ALCAM: variants seen among roughly 807,000 people sequenced by gnomAD.
ALCAM encodes CD166 antigen.
Under a neutral mutation model 70.9 loss-of-function variants are expected in ALCAM, and 30 were observed. The ratio of observed to expected loss-of-function variants is 0.42; its 90% confidence interval spans 0.32 to 0.57. The LOEUF is 0.57. ALCAM is among the 20% of genes least tolerant of loss of function. The pLI, the probability that ALCAM is intolerant of heterozygous loss-of-function variation, is 0.11. For synonymous variants in ALCAM, 249 were observed against 242.5 expected, an observed-to-expected ratio of 1.03 and a Z score of -0.25; for missense variants, 591 against 695.1, an observed-to-expected ratio of 0.85 and a Z score of 1.68.
intron 14 of ALCAM, 143 bp downstream of exon 14, chr3:105,552,728 T>C: frequency 6.7e-7 from 1 of 1,488,496 alleles, no homozygotes; most frequent in Non-Finnish European, 8.9e-7. Context: ...TTATATATTT[T>C]GTTTCAACTA....
intron 1 of ALCAM, among the ~76,000 whole-genome samples, chr3:105,509,995 GT>G (rs1157485670): frequency 6.6e-6 from 1 of 151,828 alleles, no homozygotes; most frequent in Non-Finnish European, 1.5e-5. Flanking sequence ...GAATTTCATA[GT>G]CTACTAATGT....
intron 9 of ALCAM, among the ~76,000 whole-genome samples, chr3:105,545,825 C>G (rs1940233339): frequency 1.3e-5 from 2 of 151,396 alleles, no homozygotes; most frequent in African/African-American, 4.8e-5. Flanking sequence ...AGTATGAATA[C>G]TATGCTTTGA....
chr3:105,462,453 A>T (rs1937617419), intron 1 of ALCAM, among the ~76,000 whole-genome samples: 1 of 151,512 alleles, frequency 6.6e-6, no homozygotes, highest in Non-Finnish European at 1.5e-5. Flanking sequence ...ATAATTTTTT[A>T]AAAATTGGAT....
chr3:105,425,173 C>T (rs1243595200), intron 1 of ALCAM, among the ~76,000 whole-genome samples: 1 of 151,758 alleles, frequency 6.6e-6, no homozygotes, highest in South Asian at 2.1e-4. Context: ...TTGTTTTGTA[C>T]TTCATTATTA....
Position 105,494,425 on chromosome 3 carries a change from T to TTTCC in ALCAM, c.74-25618_74-25615dup, listed in dbSNP as rs147247427. Among the ~76,000 whole-genome samples the TTTCC allele has an allele frequency of 5.5e-3, 841 of 151,794 alleles. 1 individual carries two copies. The highest frequency in any genetic ancestry group is 9.2e-3 in the South Asian group (44 of 4,788). On this transcript the variant is annotated intron_variant, in intron 1 of 15. Coordinates refer to ENST00000306107, the MANE Select transcript of ALCAM (RefSeq NM_001627.4). ...TTTTATAAAGGGCCTGCCTTCCTTC[T>TTTCC]TTCCTTCCTTCCTTCCTTCCTTCCT...
intron 1 of ALCAM, among the ~76,000 whole-genome samples, chr3:105,421,571 T>C (rs1438021516): frequency 2.0e-5 from 3 of 151,474 alleles, no homozygotes. Context: ...AAGAAGGAAA[T>C]GGTTCTGATA....
intron 1 of ALCAM, among the ~76,000 whole-genome samples, chr3:105,432,030 A>G (rs761048599): frequency 6.6e-6 from 1 of 152,154 alleles, no homozygotes; most frequent in Non-Finnish European, 1.5e-5. Context: ...ACGAAAGAAT[A>G]AGCTAAGCCT....
At chr3:105,413,853 C>G (rs1256706418) in intron 1 of ALCAM, among the ~76,000 whole-genome samples, 2 of 152,106 alleles carry the variant, frequency 1.3e-5, no homozygotes, top group Admixed American at 1.3e-4. Flanking sequence ...GTTTTGCACT[C>G]ACTAAATGGA....
chr3:105,529,635 A>G (rs189691201), intron 3 of ALCAM, among the ~76,000 whole-genome samples: 1 of 152,322 alleles, frequency 6.6e-6, no homozygotes, highest in Admixed American at 6.5e-5. Context: ...AAGACGAATC[A>G]TAATGTAAAC....
intron 1 of ALCAM, among the ~76,000 whole-genome samples, chr3:105,505,522 G>C (rs976409356): frequency 4.6e-5 from 7 of 152,158 alleles, no homozygotes; most frequent in African/African-American, 1.7e-4. Context: ...ATTTGTGCAG[G>C]AACACAAATC....
At chr3:105,496,828 G>T (rs1938752757) in intron 1 of ALCAM, among the ~76,000 whole-genome samples, 1 of 97,352 alleles carries the variant, frequency 1.0e-5, no homozygotes. Context: ...TCCAATTGAG[G>T]TGTGTGTGTG....
intron 1 of ALCAM, among the ~76,000 whole-genome samples, chr3:105,381,847 C>T (rs963066466): frequency 2.0e-5 from 3 of 151,722 alleles, no homozygotes; most frequent in Non-Finnish European, 4.4e-5. Context: ...ATCTTTTCTC[C>T]CCTCTGCCAT....
intron 1 of ALCAM, among the ~76,000 whole-genome samples, chr3:105,471,982 A>G (rs1937944731): frequency 1.3e-5 from 2 of 151,576 alleles, no homozygotes; most frequent in South Asian, 4.1e-4. Context: ...GGTAACCACC[A>G]TTCTACCGTC....
At chr3:105,404,442 A>G (rs1936168604) in intron 1 of ALCAM, among the ~76,000 whole-genome samples, 1 of 152,194 alleles carries the variant, frequency 6.6e-6, no homozygotes, top group South Asian at 2.1e-4. Context: ...AGCCTCCTAA[A>G]CAAAACAATT....
At chr3:105,483,400 G>A (rs1938327334) in intron 1 of ALCAM, among the ~76,000 whole-genome samples, 1 of 152,128 alleles carries the variant, frequency 6.6e-6, no homozygotes, top group Non-Finnish European at 1.5e-5. Flanking sequence ...TTGATTAGAT[G>A]TGGGTGGCTG....
At chr3:105,453,853 C>T (rs1362746437) in intron 1 of ALCAM, among the ~76,000 whole-genome samples, 1 of 152,156 alleles carries the variant, frequency 6.6e-6, no homozygotes, top group Non-Finnish European at 1.5e-5. Context: ...GGAGTTCATT[C>T]ATGATTTGGC....
chr3:105,466,248 G>GT (rs1471465604), intron 1 of ALCAM, among the ~76,000 whole-genome samples: 1 of 151,298 alleles, frequency 6.6e-6, no homozygotes, highest in East Asian at 1.9e-4. Flanking sequence ...GCTCCACCTA[G>GT]TAAGTGTCTT....
At chr3:105,520,315 G>A in intron 2 of ALCAM, 148 bp downstream of exon 2, 3 of 564,256 alleles carry the variant, frequency 5.3e-6, no homozygotes, top group Non-Finnish European at 9.6e-6. Context: ...TGTGGAATAT[G>A]GCAAAAAAAT....
rs976474211 is a variant in ALCAM, at chr3:105,392,167, C to T, written c.73+24686C>T. 4.6e-5 allele frequency among the ~76,000 whole-genome samples: 7 copies of T among 151,804 alleles called. No individual in the cohort carries two copies. In the South Asian group the frequency reaches 1.2e-3, roughly 27 times the overall value. ...TGGTATCAGCTCCTCTTTGTACCTT[C>T]AGTAGAATTCAGCTGTAAATCCTTC... On this transcript the variant is annotated intron_variant, in intron 1 of 15. Transcript: ENST00000306107.
Sources: allele counts gnomAD v4.1 joint callset (sites outside exome capture counted in the v4.1 genomes callset), GRCh38; gene constraint gnomAD v4.1.1; transcripts MANE v1.5; gene names NCBI Gene and HGNC (gene_info 2026-07-23, HGNC 2026-07-21).